The following WDFY3 variants were observed in gnomAD, a reference collection of about 807,000 sequenced individuals.
WDFY3 encodes the protein WD repeat and FYVE domain-containing protein 3.
A neutral mutation model predicts 409.6 loss-of-function variants in WDFY3; 66 were observed. The ratio of observed to expected loss-of-function variants is 0.16; its 90% CI spans 0.13 to 0.20. The LOEUF is 0.20. Ranked by LOEUF, WDFY3 falls within the 10% of genes least tolerant of loss-of-function variation. The probability of loss-of-function intolerance (pLI) is 1.00; values close to 1 mark genes in which losing one functional copy is unlikely to be tolerated. For synonymous variants in WDFY3, 1,521 were observed against 1,537.1 expected (o/e 0.99, Z 0.25); for missense variants, 3,031 against 4,298.1 (o/e 0.71, Z 8.24).
chr4:84,775,349 G>A (rs1034314657), intron 27 of WDFY3, among the ~76,000 whole-genome samples: 5 of 151,958 alleles, frequency 3.3e-5, no homozygotes, highest in South Asian at 2.1e-4. Flanking sequence ...CTTTTACAAA[G>A]CTAGTTCAAA....
intron 3 of WDFY3, among the ~76,000 whole-genome samples, chr4:84,887,051 T>C (rs1412573500): frequency 6.6e-6 from 1 of 152,182 alleles, no homozygotes; most frequent in African/African-American, 2.4e-5. Flanking sequence ...GATACAGTGG[T>C]ACATATCAAC....
chr4:84,959,365 C>A (rs987840325), intron 1 of WDFY3, among the ~76,000 whole-genome samples: 1 of 152,048 alleles, frequency 6.6e-6, no homozygotes, highest in Non-Finnish European at 1.5e-5. Flanking sequence ...AAAAACAATT[C>A]ATTTTGGAAA....
At chr4:84,696,667 G>T in intron 57 of WDFY3, 65 bp downstream of exon 57, 3 of 1,525,680 alleles carry the variant, frequency 2.0e-6, no homozygotes, top group Non-Finnish European at 2.7e-6. Flanking sequence ...TAGAGGCCCT[G>T]TCTTTGTATT....
At chr4:84,694,244 T>C (rs1729738821) in intron 58 of WDFY3, among the ~76,000 whole-genome samples, 1 of 152,216 alleles carries the variant, frequency 6.6e-6, no homozygotes, top group South Asian at 2.1e-4. Flanking sequence ...TGAATGTGCA[T>C]TTACTGAAGC....
chr4:84,715,823 G>C (rs1359118969), intron 49 of WDFY3, among the ~76,000 whole-genome samples: 1 of 147,050 alleles, frequency 6.8e-6, no homozygotes, highest in African/African-American at 2.5e-5. Flanking sequence ...AACACTTTTA[G>C]AGTCATGAAT....
intron 2 of WDFY3, among the ~76,000 whole-genome samples, chr4:84,929,925 T>C (rs1329562334): frequency 6.7e-6 from 1 of 148,384 alleles, no homozygotes; most frequent in Non-Finnish European, 1.5e-5. Flanking sequence ...AAAAAAAAAA[T>C]CTAGACACAA....
intron 55 of WDFY3, among the ~76,000 whole-genome samples, chr4:84,703,346 C>T (rs141777160): frequency 3.3e-5 from 5 of 152,264 alleles, no homozygotes; most frequent in African/African-American, 7.2e-5. Context: ...CACTACGCAG[C>T]CTCACAGGTA....
intron 3 of WDFY3, among the ~76,000 whole-genome samples, chr4:84,867,141 T>C (rs1431754520): frequency 6.6e-6 from 1 of 152,202 alleles, no homozygotes; most frequent in Non-Finnish European, 1.5e-5. Flanking sequence ...CCAAGCACAC[T>C]AGTTACATTC....
chr4:84,813,470 C>T (rs1353596866), intron 13 of WDFY3, among the ~76,000 whole-genome samples: 2 of 152,170 alleles, frequency 1.3e-5, no homozygotes, highest in Non-Finnish European at 2.9e-5. Flanking sequence ...ATTATCTATG[C>T]TTTTACGTAT....
intron 8 of WDFY3, among the ~76,000 whole-genome samples, chr4:84,830,600 C>T (rs888791019): frequency 6.6e-6 from 1 of 152,100 alleles, no homozygotes; most frequent in Non-Finnish European, 1.5e-5. Flanking sequence ...GCTTGAGATG[C>T]TAAGGCAATT....
chr4:84,874,469 C>T (rs545725067), intron 3 of WDFY3, among the ~76,000 whole-genome samples: 3 of 152,072 alleles, frequency 2.0e-5, no homozygotes, highest in South Asian at 2.1e-4. Context: ...GATTTAAAAC[C>T]TGTTGATTCC....
At position 84,794,710 on chromosome 4, in the gene WDFY3, C is replaced by G; in HGVS notation, c.3296G>C (p.Gly1099Ala). Reference protein sequence around the residue: ...SGERFFPPPSGLSYSSWFCIE... With the variant: ...SGERFFPPPSALSYSSWFCIE... ...ACAAAACCAGCTAGAGTAACTTAAG[C>G]CGGAGGGAGGAGGGAAGAATCTTTC... The change falls in exon 21 of 68, where the codon GGC (glycine) becomes GCC (alanine). Residue 1099 changes from glycine to alanine, a missense_variant. Physicochemically the swap from Gly to Ala is moderately conservative, Grantham distance 60. This residue lies in a region of WDFY3 where 1,322 missense variants were observed against 1,697.9 expected (regional missense o/e 0.78). Coordinates refer to ENST00000295888, the MANE Select transcript of WDFY3 (RefSeq NM_014991.6). 1 of 1,612,518 alleles carries G rather than the reference C, an allele frequency of 6.2e-7. No individual in the cohort carries two copies. The highest frequency in any genetic ancestry group is 8.5e-7 in the Non-Finnish European group (1 of 1,179,516).
At chr4:84,881,664 A>C (rs1485943200) in intron 3 of WDFY3, among the ~76,000 whole-genome samples, 1 of 151,982 alleles carries the variant, frequency 6.6e-6, no homozygotes, top group East Asian at 1.9e-4. Context: ...AGGCAAGCTG[A>C]TGGCTTGAGC....
chr4:84,937,539 A>G (rs984058268), intron 1 of WDFY3, among the ~76,000 whole-genome samples: 15 of 152,118 alleles, frequency 9.9e-5, no homozygotes, highest in Non-Finnish European at 2.9e-5. Flanking sequence ...GATTTTTGCC[A>G]TAGGTTAGTA....
intron 3 of WDFY3, among the ~76,000 whole-genome samples, chr4:84,885,286 T>C (rs1764048316): frequency 6.6e-6 from 1 of 151,116 alleles, no homozygotes; most frequent in African/African-American, 2.4e-5. Flanking sequence ...ATTACAGGAG[T>C]GAGCCACCAC....
intron 3 of WDFY3, among the ~76,000 whole-genome samples, chr4:84,883,210 C>T (rs1226461594): frequency 6.6e-6 from 1 of 152,146 alleles, no homozygotes; most frequent in Non-Finnish European, 1.5e-5. Flanking sequence ...GTCCTAATTA[C>T]ATCATTTCTC....
chr4:84,963,162 G>A lies in WDFY3; in HGVS notation c.-226+3047C>T, dbSNP rs375373953. On this transcript the variant is annotated intron_variant, in intron 1 of 67. Transcript: ENST00000295888. ...AAAACGGCCTGGCACGGTGGCTCAC[G>A]CCTGTAATACCAGCATTTTGGGAGA... is the stretch of plus-strand genomic sequence containing the variant. 9.3e-5 allele frequency among the ~76,000 whole-genome samples: 14 copies of A among 150,484 alleles called. No individual in the cohort carries two copies. The South Asian group carries it at 1.7e-3, about 18-fold the overall frequency.
At chr4:84,705,288 T>C (rs1731742346) in intron 54 of WDFY3, 106 bp downstream of exon 54, 4 of 814,518 alleles carry the variant, frequency 4.9e-6, no homozygotes, top group African/African-American at 1.7e-5. Context: ...CATATAGATA[T>C]GATATATAAG....
chr4:84,688,940 G>A (rs1232616970), intron 61 of WDFY3, among the ~76,000 whole-genome samples: 1 of 152,206 alleles, frequency 6.6e-6, no homozygotes, highest in African/African-American at 2.4e-5. Context: ...AAATGGCAAT[G>A]TGTGAAAATA....
Sources: allele counts gnomAD v4.1 joint callset (sites outside exome capture counted in the v4.1 genomes callset), GRCh38; gene constraint gnomAD v4.1.1; regional missense constraint gnomAD v4.1.1; transcripts MANE v1.5; gene names NCBI Gene and HGNC (gene_info 2026-07-23, HGNC 2026-07-21).